EBF1: variants seen among roughly 807,000 people sequenced by gnomAD.
EBF1 encodes EBF transcription factor 1, also known as transcription factor COE1.
Under a neutral mutation model 68.4 loss-of-function variants are expected in EBF1, and 10 were observed. The observed-to-expected ratio is 0.15, with a 90% CI of 0.09 to 0.25. The LOEUF is 0.25. Among genes scored for constraint, EBF1 ranks in the 10% least tolerant of loss-of-function variants. EBF1 has a pLI of 1.00. For synonymous variants in EBF1, 298 were observed against 299.8 expected (o/e 0.99, Z 0.06); for missense variants, 509 against 794.4 (o/e 0.64, Z 4.32).
At chr5:158,947,077 T>C (rs1284032094) in intron 6 of EBF1, among the ~76,000 whole-genome samples, 4 of 152,204 alleles carry the variant, frequency 2.6e-5, no homozygotes, top group African/African-American at 7.2e-5. Flanking sequence ...CAGACTGCTG[T>C]GCTGGCAGCA....
At chr5:159,021,213 G>C (rs766399608) in intron 6 of EBF1, among the ~76,000 whole-genome samples, 1 of 152,016 alleles carries the variant, frequency 6.6e-6, no homozygotes, top group African/African-American at 2.4e-5. Flanking sequence ...CTGTTGTTTG[G>C]GCATTGAGGG....
intron 8 of EBF1, among the ~76,000 whole-genome samples, chr5:158,806,170 T>C (rs1244047376): frequency 6.6e-6 from 1 of 152,120 alleles, no homozygotes. Context: ...CAGAGCTTGG[T>C]AGATGGCTCT....
At chr5:159,058,744 C>T (rs986564571) in intron 6 of EBF1, among the ~76,000 whole-genome samples, 1 of 152,316 alleles carries the variant, frequency 6.6e-6, no homozygotes, top group East Asian at 1.9e-4. Flanking sequence ...TAGTAATATT[C>T]AGCTGCAGCC....
At chr5:158,834,520 AC>A (rs1386381328) in intron 7 of EBF1, among the ~76,000 whole-genome samples, 2 of 151,352 alleles carry the variant, frequency 1.3e-5, no homozygotes, top group African/African-American at 2.4e-5. Flanking sequence ...AAAAAAAAAA[AC>A]ATTGTGCCAG....
At chr5:159,089,947 G>C (rs1226334997) in intron 4 of EBF1, among the ~76,000 whole-genome samples, 1 of 151,934 alleles carries the variant, frequency 6.6e-6, no homozygotes, top group Non-Finnish European at 1.5e-5. Context: ...AACTAACAAA[G>C]ACTTCTAATT....
chr5:158,863,493 T>G (rs1375260755), intron 6 of EBF1, among the ~76,000 whole-genome samples: 1 of 152,204 alleles, frequency 6.6e-6, no homozygotes, highest in African/African-American at 2.4e-5. Context: ...CTTATAAATA[T>G]CTGCTTGATT....
At chr5:158,986,721 A>T (rs1463370757) in intron 6 of EBF1, among the ~76,000 whole-genome samples, 8 of 152,142 alleles carry the variant, frequency 5.3e-5, no homozygotes. Context: ...GGGGAGAGAA[A>T]ATTCCTAAGA....
intron 15 of EBF1, among the ~76,000 whole-genome samples, chr5:158,704,325 A>C (rs1476038415): frequency 1.3e-5 from 2 of 152,214 alleles, no homozygotes; most frequent in Admixed American, 6.5e-5. Context: ...CTGCTGGGGA[A>C]GAGGTCTTTT....
intron 6 of EBF1, among the ~76,000 whole-genome samples, chr5:159,004,198 AC>A (rs1763104331): frequency 6.6e-6 from 1 of 150,708 alleles, no homozygotes; most frequent in Admixed American, 6.6e-5. Flanking sequence ...AATCACTTGA[AC>A]CCAAAGGCAG....
At chr5:158,775,224 G>A (rs887076942) in intron 10 of EBF1, among the ~76,000 whole-genome samples, 2 of 150,144 alleles carry the variant, frequency 1.3e-5, no homozygotes, top group Non-Finnish European at 3.0e-5. Context: ...TTTTTTTAGT[G>A]TTTAAAAAAA....
chr5:158,784,646 A>G (rs1279974023), intron 9 of EBF1, among the ~76,000 whole-genome samples: 1 of 152,166 alleles, frequency 6.6e-6, no homozygotes, highest in East Asian at 1.9e-4. Context: ...TCTCATTACT[A>G]GGTTTAGGAC....
intron 6 of EBF1, among the ~76,000 whole-genome samples, chr5:158,860,788 A>G (rs576361874): frequency 1.3e-5 from 2 of 152,214 alleles, no homozygotes; most frequent in South Asian, 2.1e-4. Context: ...TCTCTGTTGC[A>G]TGTGTGTCTC....
intron 10 of EBF1, among the ~76,000 whole-genome samples, chr5:158,762,585 G>C (rs1166723493): frequency 6.6e-6 from 1 of 152,162 alleles, no homozygotes; most frequent in Non-Finnish European, 1.5e-5. Context: ...ACCCAGGCTG[G>C]AGTGCAGTGG....
intron 11 of EBF1, among the ~76,000 whole-genome samples, chr5:158,717,496 T>G (rs143596000): frequency 1.7e-3 from 262 of 152,282 alleles, no homozygotes; most frequent in African/African-American, 6.2e-3. Context: ...AGTACTAATA[T>G]CTAATGTTTC....
chr5:159,064,625 C>T (rs1237945393), intron 6 of EBF1, among the ~76,000 whole-genome samples: 1 of 152,126 alleles, frequency 6.6e-6, no homozygotes, highest in Non-Finnish European at 1.5e-5. Context: ...TGCTCATAGA[C>T]CAGGATTCAG....
chr5:158,739,525 T>C (rs952847353), intron 10 of EBF1, among the ~76,000 whole-genome samples: 8 of 152,164 alleles, frequency 5.3e-5, no homozygotes, highest in Non-Finnish European at 1.2e-4. Context: ...ATCTTTTTCA[T>C]TTGGGTGTTT....
intron 6 of EBF1, among the ~76,000 whole-genome samples, chr5:159,023,243 G>A (rs1767074937): frequency 6.7e-6 from 1 of 149,440 alleles, no homozygotes. Context: ...AATGGCTTCA[G>A]AAAAAAGAGA....
rs141241767 is a variant in EBF1 at position 158,874,076 on chromosome 5, C to A, written c.555-33966G>T. On this transcript the variant is annotated intron_variant, in intron 6 of 15. Coordinates refer to ENST00000313708, the MANE Select transcript of EBF1 (RefSeq NM_024007.5). ...TTGTATAGAGTTGGAAGTTCCTAGG[C>A]CAGAGGAAAATTCATGAGTTTCCAC... Among the ~76,000 whole-genome samples, 341 of 152,230 alleles carry A rather than the reference C, an allele frequency of 2.2e-3. 3 individuals are homozygous for A. The highest frequency in any genetic ancestry group is 7.9e-3 in the African/African-American group (327 of 41,540).
intron 9 of EBF1, among the ~76,000 whole-genome samples, chr5:158,793,434 A>G (rs1215806067): frequency 1.3e-5 from 2 of 152,150 alleles, no homozygotes; most frequent in Non-Finnish European, 1.5e-5. Context: ...TCACTACTAC[A>G]ATTACTATTA....
Sources: allele counts gnomAD v4.1 joint callset (sites outside exome capture counted in the v4.1 genomes callset), GRCh38; gene constraint gnomAD v4.1.1; transcripts MANE v1.5; gene names NCBI Gene and HGNC (gene_info 2026-07-23, HGNC 2026-07-21).